SEMA3C: variants seen among roughly 807,000 people sequenced by gnomAD.
SEMA3C encodes semaphorin-3C.
SEMA3C carries 47 observed loss-of-function variants against 89.4 expected under a neutral mutation model. The ratio of observed to expected loss-of-function variants is 0.53; its 90% confidence interval spans 0.42 to 0.67. The LOEUF (loss-of-function observed/expected upper bound fraction) is 0.67, where lower values mean the gene tolerates loss of function less well. Among genes scored for constraint, SEMA3C ranks in the 30% least tolerant of loss-of-function variants. The probability of loss-of-function intolerance (pLI) is 0.00; values close to 1 mark genes in which losing one functional copy is unlikely to be tolerated. For synonymous variants in SEMA3C, 310 were observed against 320.2 expected (o/e 0.97, Z 0.34); for missense variants, 839 against 929.1 (o/e 0.90, Z 1.26).
chr7:80,916,214 A>G (rs1792269950), intron 2 of SEMA3C, among the ~76,000 whole-genome samples: 1 of 152,234 alleles, frequency 6.6e-6, no homozygotes, highest in Non-Finnish European at 1.5e-5. Flanking sequence ...GAAAAAGAAG[A>G]AACACCATTA....
Position 80,800,825 on chromosome 7 carries a change from C to A in SEMA3C, c.918G>T (p.Glu306Asp). 1 of 1,506,862 alleles carries A rather than the reference C, an allele frequency of 6.6e-7. No homozygotes were observed. Among genetic ancestry groups the A allele is most frequent in the Non-Finnish European group, 8.8e-7 (1 of 1,133,320 alleles). The allele number at this position is 1,506,862 out of a possible 1,614,324, so 93.3% of individuals were successfully genotyped here. A position where few individuals can be genotyped will look rare whatever the true frequency, so the allele number is the denominator to read the frequency against. Residue 306 changes from glutamate to aspartate, a missense_variant and splice_region_variant, in exon 10 of 18, where the codon GAG becomes GAT. Physicochemically the swap from Glu to Asp is conservative, Grantham distance 45. Coordinates refer to ENST00000265361, the MANE Select transcript of SEMA3C (RefSeq NM_006379.5). ...TATCAGTTTCCAGCAGAAACACATC[C>A]TCTATAAAAAGGAAAATATTCTTTT... is the stretch of plus-strand genomic sequence containing the variant. ...DGPETHFDEL[E>D]DVFLLETDNP...
intron 13 of SEMA3C, among the ~76,000 whole-genome samples, chr7:80,764,337 C>G (rs1180261433): frequency 6.6e-6 from 1 of 152,162 alleles, no homozygotes; most frequent in Non-Finnish European, 1.5e-5. Context: ...AGGACTGATT[C>G]CATGCCAAAC....
At chr7:80,852,106 T>C (rs1790528716) in intron 2 of SEMA3C, among the ~76,000 whole-genome samples, 1 of 152,134 alleles carries the variant, frequency 6.6e-6, no homozygotes, top group African/African-American at 2.4e-5. Flanking sequence ...AGATGAGGCA[T>C]TTCATCACCA....
chr7:80,746,718 GGTGTGTGTGTGTGTGT>G (rs5885196), intron 17 of SEMA3C, among the ~76,000 whole-genome samples: 3 of 142,930 alleles, frequency 2.1e-5, no homozygotes, highest in African/African-American at 5.2e-5. Flanking sequence ...ATTGAAGTGG[GGTGTGTGTGTGTGTGT>G]GTGTGTGTGT....
At chr7:80,857,342 C>G (rs1790665558) in intron 2 of SEMA3C, among the ~76,000 whole-genome samples, 2 of 151,978 alleles carry the variant, frequency 1.3e-5, no homozygotes. Context: ...TATTCTTAAA[C>G]CTCCCCAAAT....
chr7:80,910,601 A>G (rs1792120092), intron 2 of SEMA3C, among the ~76,000 whole-genome samples: 1 of 152,040 alleles, frequency 6.6e-6, no homozygotes, highest in Non-Finnish European at 1.5e-5. Flanking sequence ...GCAGAAGGCA[A>G]AAAAGTGCTG....
intron 11 of SEMA3C, among the ~76,000 whole-genome samples, chr7:80,790,591 C>T (rs1788914298): frequency 6.6e-6 from 1 of 152,164 alleles, no homozygotes; most frequent in South Asian, 2.1e-4. Flanking sequence ...TTAGCACCTG[C>T]TCTTCCCTGT....
chr7:80,836,582 G>A (rs1400865049), intron 2 of SEMA3C, among the ~76,000 whole-genome samples: 1 of 151,894 alleles, frequency 6.6e-6, no homozygotes, highest in African/African-American at 2.4e-5. Flanking sequence ...GGAGGCTGAG[G>A]CAGGAGAATT....
intron 2 of SEMA3C, among the ~76,000 whole-genome samples, chr7:80,855,294 AT>A (rs915990538): frequency 1.3e-5 from 2 of 152,066 alleles, no homozygotes; most frequent in African/African-American, 4.8e-5. Context: ...TATTATTGTC[AT>A]TTTATTATTA....
chr7:80,874,570 G>A (rs1053887325), intron 2 of SEMA3C, among the ~76,000 whole-genome samples: 23 of 151,766 alleles, frequency 1.5e-4, no homozygotes, highest in Admixed American at 3.3e-4. Context: ...AGGTTCAAGC[G>A]ATTCTCCTGC....
chr7:80,746,453 T>C (rs1209951730), intron 17 of SEMA3C, among the ~76,000 whole-genome samples: 1 of 152,140 alleles, frequency 6.6e-6, no homozygotes, highest in Non-Finnish European at 1.5e-5. Flanking sequence ...AGAAATTTTA[T>C]CCTATTTGTG....
chr7:80,921,812 A>G (rs1792414216), upstream of SEMA3C, among the ~76,000 whole-genome samples: 2 of 152,058 alleles, frequency 1.3e-5, no homozygotes. Flanking sequence ...GCATATTTTT[A>G]ATATTTTATG....
At chr7:80,904,374 G>A (rs118122246) in intron 2 of SEMA3C, among the ~76,000 whole-genome samples, 1 of 152,106 alleles carries the variant, frequency 6.6e-6, no homozygotes, top group Non-Finnish European at 1.5e-5. Context: ...GATTCTTACA[G>A]ATATGTCATT....
intron 12 of SEMA3C, 90 bp downstream of exon 12, chr7:80,789,216 T>C (rs1788874912): frequency 9.8e-7 from 1 of 1,016,856 alleles, no homozygotes; most frequent in East Asian, 2.4e-5. Context: ...GGAGTTTTTC[T>C]AGTTTCAAGA....
intron 12 of SEMA3C, among the ~76,000 whole-genome samples, chr7:80,786,883 G>A (rs933125161): frequency 7.9e-5 from 12 of 152,144 alleles, no homozygotes; most frequent in Admixed American, 1.3e-4. Flanking sequence ...TTAACTGCTC[G>A]GTGGAGAGTT....
Position 80,802,797 on chromosome 7 carries a change from A to G in SEMA3C, c.802-18T>C. The G allele has an allele frequency of 6.4e-7, 1 of 1,571,322 alleles. No individual in the cohort carries two copies. The highest frequency in any genetic ancestry group is 8.8e-7 in the Non-Finnish European group (1 of 1,142,544). On this transcript the variant is annotated intron_variant, in intron 8 of 17. Coordinates refer to ENST00000265361, the MANE Select transcript of SEMA3C (RefSeq NM_006379.5). ...GTGTCATTCTAAAACCATTTTGTAAACATAATTCAGATTGCTTAAGTAAAT... is the reference window on the plus strand; with the variant it reads ...GTGTCATTCTAAAACCATTTTGTAAGCATAATTCAGATTGCTTAAGTAAAT...
At chr7:80,803,083 T>C (rs1463559440) in intron 8 of SEMA3C, among the ~76,000 whole-genome samples, 1 of 152,154 alleles carries the variant, frequency 6.6e-6, no homozygotes, top group African/African-American at 2.4e-5. Flanking sequence ...TTATAGAAAA[T>C]AGATCATTTA....
At chr7:80,913,936 G>A (rs1025319198) in intron 2 of SEMA3C, among the ~76,000 whole-genome samples, 1 of 152,206 alleles carries the variant, frequency 6.6e-6, no homozygotes, top group Non-Finnish European at 1.5e-5. Context: ...TGCACCGGAA[G>A]TAACACAAGA....
intron 4 of SEMA3C, among the ~76,000 whole-genome samples, chr7:80,822,589 G>A (rs925554834): frequency 2.6e-5 from 4 of 152,024 alleles, no homozygotes; most frequent in African/African-American, 7.2e-5. Context: ...TTGCAGAGAA[G>A]ACAGAGTAGA....
Sources: gnomAD v4.1 joint callset for allele counts (sites outside exome capture counted in the v4.1 genomes callset) on GRCh38, gnomAD v4.1.1 for gene constraint, MANE v1.5 for transcripts, NCBI Gene and HGNC (gene_info 2026-07-23, HGNC 2026-07-21) for gene names.